Variants in ZNF407 observed in about 807,000 individuals in gnomAD.
ZNF407 encodes zinc finger protein 407.
ZNF407 carries 17 observed loss-of-function variants against 131.2 expected under a neutral mutation model. The observed-to-expected ratio is 0.13, with a 90% CI of 0.09 to 0.19. The LOEUF is 0.19. Among genes scored for constraint, ZNF407 ranks in the 10% least tolerant of loss-of-function variants. ZNF407 has a pLI of 1.00. For synonymous variants in ZNF407, 1,156 were observed against 1,062.0 expected (o/e 1.09, Z -1.72); for missense variants, 2,681 against 2,830.6 (o/e 0.95, Z 1.20).
rs531053364 is a variant in ZNF407 at position 74,645,072 on chromosome 18, T to C, written c.4802+3950T>C. Among the ~76,000 whole-genome samples, 10 of 152,158 alleles carry C rather than the reference T, an allele frequency of 6.6e-5. 1 individual carries two copies. The South Asian group carries it at 8.3e-4, about 13-fold the overall frequency. The stretch of plus-strand genomic sequence containing the variant: ...TTCCCTATTTTATATTTCCCACTTA[T>C]TAAGTGTTGTTTTAAATAGTTTTAT... On this transcript the variant is annotated intron_variant, in intron 3 of 8. Transcript: ENST00000299687.
intron 8 of ZNF407, among the ~76,000 whole-genome samples, chr18:75,035,270 C>T (rs146377531): frequency 9.8e-5 from 15 of 152,304 alleles, no homozygotes; most frequent in African/African-American, 3.1e-4. Flanking sequence ...ATTACCCTTT[C>T]ACCAAACACA....
intron 3 of ZNF407, among the ~76,000 whole-genome samples, chr18:74,655,003 G>T (rs1004211713): frequency 2.0e-5 from 3 of 151,852 alleles, no homozygotes; most frequent in African/African-American, 7.2e-5. Context: ...TGACTAAAAA[G>T]TGGTATTTTA....
At chr18:74,604,016 C>T (rs1409615659) in intron 1 of ZNF407, among the ~76,000 whole-genome samples, 1 of 152,112 alleles carries the variant, frequency 6.6e-6, no homozygotes, top group African/African-American at 2.4e-5. Flanking sequence ...GTGCATGTAA[C>T]ATCCAAATGG....
At chr18:74,882,952 C>T (rs1385820184) in intron 6 of ZNF407, among the ~76,000 whole-genome samples, 1 of 152,226 alleles carries the variant, frequency 6.6e-6, no homozygotes, top group East Asian at 1.9e-4. Context: ...GGTATGGCCC[C>T]AGGGAACAAC....
intron 4 of ZNF407, among the ~76,000 whole-genome samples, chr18:74,795,265 A>G (rs1055824299): frequency 6.6e-6 from 1 of 152,194 alleles, no homozygotes; most frequent in Admixed American, 6.5e-5. Flanking sequence ...ACTTGCATAT[A>G]TAGCATAGTT....
chr18:74,987,983 A>G (rs1273178047), intron 8 of ZNF407, among the ~76,000 whole-genome samples: 2 of 152,222 alleles, frequency 1.3e-5, no homozygotes, highest in Non-Finnish European at 2.9e-5. Flanking sequence ...AAGAACCTGT[A>G]ATAATCAAAA....
At chr18:74,730,183 G>A (rs1968262404) in intron 3 of ZNF407, among the ~76,000 whole-genome samples, 1 of 152,154 alleles carries the variant, frequency 6.6e-6, no homozygotes, top group Non-Finnish European at 1.5e-5. Context: ...AATTGGTTTG[G>A]AATTTTCAGT....
intron 1 of ZNF407, among the ~76,000 whole-genome samples, chr18:74,618,297 G>T (rs955553678): frequency 2.0e-5 from 3 of 152,274 alleles, no homozygotes; most frequent in African/African-American, 7.2e-5. Flanking sequence ...TGGGCTTTCA[G>T]TTGGGCATAG....
Position 74,766,860 on chromosome 18 carries a change from A to G in ZNF407, c.4803-14568A>G, listed in dbSNP as rs1331739305. ...ACATATTATTTTAGATGATAAGGGGACTAAAACTGGGAAATAAACTAATCC... is the reference window on the plus strand; with the variant it reads ...ACATATTATTTTAGATGATAAGGGGGCTAAAACTGGGAAATAAACTAATCC... On this transcript the variant is annotated intron_variant, in intron 3 of 8. Coordinates refer to ENST00000299687, the MANE Select transcript of ZNF407 (RefSeq NM_017757.3). 2.0e-5 allele frequency among the ~76,000 whole-genome samples: 3 copies of G among 152,182 alleles called. No individual in the cohort carries two copies. The East Asian group carries it at 5.8e-4, about 29-fold the overall frequency.
intron 7 of ZNF407, among the ~76,000 whole-genome samples, chr18:74,911,645 G>T (rs1447671216): frequency 1.3e-5 from 2 of 152,064 alleles, no homozygotes; most frequent in Non-Finnish European, 1.5e-5. Context: ...TCAATTTTCG[G>T]TTCTTTTAGC....
At chr18:75,029,425 A>T (rs1051336443) in intron 8 of ZNF407, among the ~76,000 whole-genome samples, 1 of 152,150 alleles carries the variant, frequency 6.6e-6, no homozygotes, top group Non-Finnish European at 1.5e-5. Flanking sequence ...ATACTCCTGG[A>T]TCTCTTCTCT....
chr18:74,774,927 T>C (rs1969436933), intron 3 of ZNF407, among the ~76,000 whole-genome samples: 1 of 152,098 alleles, frequency 6.6e-6, no homozygotes, highest in South Asian at 2.1e-4. Context: ...ACATTCTTAG[T>C]GAGAGAGAGC....
intron 1 of ZNF407, among the ~76,000 whole-genome samples, chr18:74,625,866 A>G (rs1181957785): frequency 6.6e-6 from 1 of 152,226 alleles, no homozygotes; most frequent in Admixed American, 6.5e-5. Context: ...ATGGCTGGAT[A>G]AAATAAATCA....
At position 74,890,002 on chromosome 18, in the gene ZNF407, G is replaced by T; in HGVS notation, c.5213G>T (p.Gly1738Val). The T allele has an allele frequency of 6.2e-7, 1 of 1,602,788 alleles. No individual in the cohort carries two copies. The highest frequency in any genetic ancestry group is 2.2e-5 in the East Asian group (1 of 44,662). The change falls in exon 7 of 9, where the codon GGA becomes GTA. Residue 1738 changes from glycine (G) to valine (V), a missense_variant. Transcript: ENST00000299687. ...ACTCGGCATAAACGTGTCCACACTG[G>T]AGAAAAGCCCTACAGATGCCCCTGG... is the stretch of plus-strand genomic sequence containing the variant. ...HLTRHKRVHT[G>V]EKPYRCPWCD...
At chr18:75,056,280 T>C (rs757896770) in intron 8 of ZNF407, among the ~76,000 whole-genome samples, 21 of 152,250 alleles carry the variant, frequency 1.4e-4, no homozygotes, top group Non-Finnish European at 2.6e-4. Context: ...TTTCTGTTTC[T>C]GTTTTGTGTG....
At chr18:75,003,634 G>A (rs1972873357) in intron 8 of ZNF407, among the ~76,000 whole-genome samples, 1 of 152,122 alleles carries the variant, frequency 6.6e-6, no homozygotes, top group Non-Finnish European at 1.5e-5. Context: ...ACTTTTACGT[G>A]TCAAGATCAA....
rs773630622 is a variant in ZNF407, at chr18:74,634,791, C to T, written c.3772C>T (p.Arg1258Cys). 86 of 1,613,844 alleles carry T rather than the reference C, an allele frequency of 5.3e-5. No individual in the cohort carries two copies. Among genetic ancestry groups the T allele is most frequent in the Admixed American group, 8.3e-5 (5 of 60,008 alleles). The change falls in exon 2 of 9, where the codon CGC (arginine) becomes TGC (cysteine). Residue 1258 changes from arginine (R) to cysteine (C), a missense_variant. Physicochemically the swap from Arg to Cys is radical, Grantham distance 180. Around this residue, in one of 6 missense-constraint regions of ZNF407, gnomAD observed 1,789 missense variants for 1,748.7 expected, o/e 1.02. Transcript: ENST00000299687. ...GTGCCCTGTGACGCTCGATGGGGAG[C>T]GCTCGGCTGAAAGCCCTGTGCTCGT... ...HLCPVTLDGE[R>C]SAESPVLVVT...
At chr18:74,719,682 C>T (rs1476048824) in intron 3 of ZNF407, among the ~76,000 whole-genome samples, 2 of 152,220 alleles carry the variant, frequency 1.3e-5, no homozygotes, top group East Asian at 1.9e-4. Flanking sequence ...GGATTACGGG[C>T]GTGAGCCACT....
At chr18:74,699,111 A>G (rs906020392) in intron 3 of ZNF407, among the ~76,000 whole-genome samples, 3 of 151,854 alleles carry the variant, frequency 2.0e-5, no homozygotes, top group Admixed American at 2.0e-4. Flanking sequence ...TTATTAACCA[A>G]TTTTTTTTAA....
Sources: allele counts gnomAD v4.1 joint callset (sites outside exome capture counted in the v4.1 genomes callset), GRCh38; gene constraint gnomAD v4.1.1; regional missense constraint gnomAD v4.1.1; transcripts MANE v1.5; gene names NCBI Gene and HGNC (gene_info 2026-07-23, HGNC 2026-07-21).